The following FBXL22 variants were observed in gnomAD, a reference collection of about 807,000 sequenced individuals.
FBXL22 encodes F-box and leucine rich repeat protein 22.
A neutral mutation model predicts 11.7 loss-of-function variants in FBXL22; 13 were observed. The ratio of observed to expected loss-of-function variants is 1.11; its 90% CI spans 0.73 to 1.77. The LOEUF (loss-of-function observed/expected upper bound fraction) is 1.77. Among genes scored for constraint, FBXL22 ranks in the 40% most tolerant of loss-of-function variants. The pLI, the probability that FBXL22 is intolerant of heterozygous loss-of-function variation, is 0.00. For synonymous variants in FBXL22, 160 were observed against 144.1 expected, an observed-to-expected ratio of 1.11 and a Z score of -0.79; for missense variants, 406 against 320.4, an observed-to-expected ratio of 1.27 and a Z score of -2.04.
intron 1 of FBXL22, among the ~76,000 whole-genome samples, chr15:63,598,550 A>G (rs1246564531): frequency 6.6e-6 from 1 of 152,190 alleles, no homozygotes; most frequent in Non-Finnish European, 1.5e-5. Flanking sequence ...ACACAGAGCT[A>G]TTCAACCAGC....
chr15:63,597,587 C>A lies in FBXL22; in HGVS notation c.195C>A (p.Phe65Leu). Residue 65 changes from phenylalanine (F) to leucine (L), a missense_variant, in exon 1 of 2, where the codon TTC becomes TTA. Physicochemically the swap from Phe to Leu is conservative, Grantham distance 22. Transcript: ENST00000638704. This position sits in a 1 kb window ranked among gnomAD's most constrained non-coding sequence, Gnocchi z 4.3. ...TCACTGAACTCCAGAAGGACAACTT[C>A]CTCCTGGGCCCGGCACTCCGCAGCC... ...RSLTELQKDN[F>L]LLGPALRSLS... is the part of the protein sequence containing the mutation. 4 of 1,614,110 alleles carry A rather than the reference C, an allele frequency of 2.5e-6. No homozygotes were observed. The highest frequency in any genetic ancestry group is 4.5e-5 in the East Asian group (2 of 44,890).
rs1353632253 is a variant in FBXL22, at chr15:63,600,887, T to C, written c.544T>C (p.Cys182Arg). 4.1e-6 allele frequency: 5 copies of C among 1,225,812 alleles called. No individual in the cohort carries two copies. Among genetic ancestry groups the C allele is most frequent in the Non-Finnish European group, 2.0e-6 (2 of 983,882 alleles). 75.9% of individuals were successfully genotyped at this position (1,225,812 alleles called of 1,614,324 possible). Reference protein sequence around the residue: ...RALQTLHVDFCRNVSAAGLRR... With the variant: ...RALQTLHVDFRRNVSAAGLRR... ...GCTGCAGACATTGCACGTGGACTTC[T>C]GCCGCAACGTGAGCGCGGCCGGCCT... The change falls in exon 2 of 2, where the codon TGC becomes CGC. Residue 182 changes from cysteine (C) to arginine (R), a missense_variant. Transcript: ENST00000638704.
downstream of FBXL22, chr15:63,602,384 C>G (rs1385669142): frequency 1.3e-5 from 2 of 151,902 alleles, no homozygotes; most frequent in Admixed American, 1.3e-4. Flanking sequence ...AGATCGAGAC[C>G]ATCCTGGCTA....
chr15:63,602,697 G>A (rs2067389637), downstream of FBXL22, among the ~76,000 whole-genome samples: 1 of 151,922 alleles, frequency 6.6e-6, no homozygotes, highest in South Asian at 2.1e-4. Flanking sequence ...AAGCCTCTGA[G>A]AAAGGGTTGA....
chr15:63,600,795 T>A lies in FBXL22; in HGVS notation c.452T>A (p.Leu151Gln). The A allele has an allele frequency of 8.1e-7, 1 of 1,231,140 alleles. No homozygotes were observed. The highest frequency in any genetic ancestry group is 1.0e-6 in the Non-Finnish European group (1 of 987,546). 76.3% of individuals were successfully genotyped at this position (1,231,140 alleles called of 1,614,324 possible). ...LLRCCPRLRALRLENCARVTN... is the reference protein window; with the variant it reads ...LLRCCPRLRAQRLENCARVTN... ...CGCTGCTGCCCACGCCTGCGCGCAC[T>A]GCGCCTGGAGAACTGCGCGCGCGTC... The change falls in exon 2 of 2, where the codon CTG becomes CAG. Residue 151 changes from leucine (L) to glutamine (Q), a missense_variant. By Grantham distance (113) the Leu-to-Gln change is moderately radical. Transcript: ENST00000638704.
At chr15:63,599,524 A>G in intron 1 of FBXL22, 1 of 1,123,258 alleles carries the variant, frequency 8.9e-7, no homozygotes, top group South Asian at 3.2e-5. Context: ...CTTCATGTAC[A>G]AAACTGGGGG....
the FBXL22 span, among the ~76,000 whole-genome samples, chr15:63,607,570 T>C: frequency 6.6e-6 from 1 of 152,268 alleles, no homozygotes; most frequent in Non-Finnish European, 1.5e-5. Context: ...TCATTCTAAA[T>C]ATTATTAGGT....
At position 63,597,413 on chromosome 15, in the gene FBXL22, G is replaced by C; in HGVS notation, c.21G>C (p.Met7Ile). 6.2e-7 allele frequency: 1 copy of C among 1,611,402 alleles called. No individual in the cohort carries two copies. Among genetic ancestry groups the C allele is most frequent in the Non-Finnish European group, 8.5e-7 (1 of 1,178,586 alleles). MWPLLT[M>I]HITQLNRECL... ...CTCACATGTGGCCACTGCTCACCAT[G>C]CACATAACCCAGCTCAACCGGGAGT... Residue 7 changes from methionine (M) to isoleucine (I), a missense_variant, in exon 1 of 2, where the codon ATG (methionine) becomes ATC (isoleucine). By Grantham distance (10) the Met-to-Ile change is conservative (BLOSUM62 1). Coordinates refer to ENST00000638704, the MANE Select transcript of FBXL22 (RefSeq NM_001367807.1). The surrounding 1 kb of genome is among the most constrained non-coding windows in gnomAD (Gnocchi z 4.3).
chr15:63,597,688 G>C lies in FBXL22; in HGVS notation c.296G>C (p.Ser99Thr). Reference protein sequence around the residue: ...EDWLKSAFQRSICSRHESLVN... With the variant: ...EDWLKSAFQRTICSRHESLVN... ...TGGCTCAAGAGTGCCTTCCAGAGAA[G>C]CATCTGCAGCCGGCACGAGAGCCTG... Residue 99 changes from serine to threonine, a missense_variant, in exon 1 of 2, where the codon AGC (serine) becomes ACC (threonine). Physicochemically the swap from Ser to Thr is moderately conservative, Grantham distance 58. Transcript: ENST00000638704. The surrounding 1 kb of genome is among the most constrained non-coding windows in gnomAD (Gnocchi z 4.3). 2 of 1,602,240 alleles carry C rather than the reference G, an allele frequency of 1.2e-6. No homozygotes were observed. Among genetic ancestry groups the C allele is most frequent in the South Asian group, 1.1e-5 (1 of 90,902 alleles).
At chr15:63,602,069 G>A (rs117524854), downstream of FBXL22, 166 of 205,234 alleles carry the variant, frequency 8.1e-4, 3 homozygotes, top group East Asian at 0.019. Flanking sequence ...ACTGTGATGG[G>A]CGCTGTTCAC....
In FBXL22 at chr15:63,597,971, T is replaced by C. The variant is rs1255956532; in HGVS notation, c.353+226T>C. ...CCTCTTAGCCTCACAGGTCCTGGGC[T>C]GCTTCATGCAAACACCAAGAAGTGG... On this transcript the variant is annotated intron_variant, in intron 1 of 1. Transcript: ENST00000638704. This position sits in a 1 kb window ranked among gnomAD's most constrained non-coding sequence, Gnocchi z 4.3. Among the ~76,000 whole-genome samples, 4 of 152,224 alleles carry C rather than the reference T, an allele frequency of 2.6e-5. No homozygotes were observed. The highest frequency in any genetic ancestry group is 5.9e-5 in the Non-Finnish European group (4 of 68,042).
downstream of FBXL22, among the ~76,000 whole-genome samples, chr15:63,602,667 T>A (rs1439085101): frequency 6.6e-6 from 1 of 151,188 alleles, no homozygotes; most frequent in Non-Finnish European, 1.5e-5. Context: ...TAGGGATTGC[T>A]GGCAAGAGAT....
Position 63,600,745 on chromosome 15 carries a change from C to G in FBXL22, c.402C>G (p.Thr134=). 8.1e-7 allele frequency: 1 copy of G among 1,231,502 alleles called. No individual in the cohort carries two copies. The highest frequency in any genetic ancestry group is 4.1e-5 in the South Asian group (1 of 24,322). 76.3% of individuals were successfully genotyped at this position (1,231,502 alleles called of 1,614,324 possible). A position where few individuals can be genotyped will look rare whatever the true frequency, so the allele number is the denominator to read the frequency against. The part of the protein sequence containing the change: ...SVTLSGCGHV[T]DDCLARLLRC... ...CGCTCTCGGGCTGCGGCCACGTTAC[C>G]GACGACTGCCTGGCGCGCCTGCTGC... The change falls in exon 2 of 2, where the codon ACC becomes ACG. Residue 134 remains threonine, a synonymous_variant. Coordinates refer to ENST00000638704, the MANE Select transcript of FBXL22 (RefSeq NM_001367807.1).
Position 63,597,612 on chromosome 15 carries a change from C to T in FBXL22, c.220C>T (p.Leu74Phe). Residue 74 changes from leucine to phenylalanine, a missense_variant, in exon 1 of 2, where the codon CTC becomes TTC. Coordinates refer to ENST00000638704, the MANE Select transcript of FBXL22 (RefSeq NM_001367807.1). This position sits in a 1 kb window ranked among gnomAD's most constrained non-coding sequence, Gnocchi z 4.3. Reference sequence around the variant, plus strand: ...CCTCCTGGGCCCGGCACTCCGCAGCCTCTCCATCTGCTGGCACTCCAGCCG... The same window carrying T: ...CCTCCTGGGCCCGGCACTCCGCAGCTTCTCCATCTGCTGGCACTCCAGCCG... The part of the protein sequence containing the change: ...NFLLGPALRS[L>F]SICWHSSRVQ... 1 of 1,613,890 alleles carries T rather than the reference C, an allele frequency of 6.2e-7. No homozygotes were observed. The highest frequency in any genetic ancestry group is 8.5e-7 in the Non-Finnish European group (1 of 1,180,020).
At chr15:63,601,832 C>G, downstream of FBXL22, 1 of 1,167,800 alleles carries the variant, frequency 8.6e-7, no homozygotes, top group South Asian at 1.7e-5. Flanking sequence ...AAAAACAAAA[C>G]CAGCAGCCCT....
downstream of FBXL22, among the ~76,000 whole-genome samples, chr15:63,605,120 C>CA (rs910387626): frequency 5.9e-5 from 9 of 152,038 alleles, no homozygotes; most frequent in Non-Finnish European, 1.0e-4. Context: ...TAGCATATAA[C>CA]AAAGAGCCCT....
chr15:63,599,484 G>T, intron 1 of FBXL22: 1 of 1,209,334 alleles, frequency 8.3e-7, no homozygotes, highest in Non-Finnish European at 1.0e-6. Context: ...TAAGTCACCA[G>T]CCAGTCACCT....
At position 63,597,845 on chromosome 15, in the gene FBXL22, C is replaced by T. The variant is rs1299598327; in HGVS notation, c.353+100C>T. 6.0e-6 allele frequency: 7 copies of T among 1,165,952 alleles called. No homozygotes were observed. The highest frequency in any genetic ancestry group is 8.2e-6 in the Non-Finnish European group (7 of 848,688). 72.2% of individuals were successfully genotyped at this position (1,165,952 alleles called of 1,614,324 possible). On this transcript the variant is annotated intron_variant, in intron 1 of 1. Transcript: ENST00000638704. This position sits in a 1 kb window ranked among gnomAD's most constrained non-coding sequence, Gnocchi z 4.3. ...AATTACGAGACCAAGATGGCTCCAC[C>T]TTCGGGGCGCCTCAAACTAGGCCCA... is the stretch of plus-strand genomic sequence containing the variant.
chr15:63,601,141 C>T lies in FBXL22; in HGVS notation c.*102C>T. On this transcript the variant is annotated 3_prime_UTR_variant, in exon 2 of 2. Coordinates refer to ENST00000638704, the MANE Select transcript of FBXL22 (RefSeq NM_001367807.1). ...TCAGACCACCACCGCATATTCTGAGCCTCATTTTCCCCGTCTGCACAGTGG... is the reference window on the plus strand; with the variant it reads ...TCAGACCACCACCGCATATTCTGAGTCTCATTTTCCCCGTCTGCACAGTGG... 7.3e-7 allele frequency: 1 copy of T among 1,369,138 alleles called. No individual in the cohort carries two copies. Among genetic ancestry groups the T allele is most frequent in the Non-Finnish European group, 9.4e-7 (1 of 1,065,346 alleles). 84.8% of individuals were successfully genotyped at this position (1,369,138 alleles called of 1,614,324 possible).
Sources: allele counts gnomAD v4.1 joint callset (sites outside exome capture counted in the v4.1 genomes callset), GRCh38; gene constraint gnomAD v4.1.1; non-coding constraint Gnocchi (gnomAD v3.1); transcripts MANE v1.5; gene names NCBI Gene and HGNC (gene_info 2026-07-23, HGNC 2026-07-21).